Variants in FAM83E observed in about 807,000 individuals in gnomAD.
FAM83E encodes the protein protein FAM83E.
A neutral mutation model predicts 34.3 loss-of-function variants in FAM83E; 29 were observed. The ratio of observed to expected loss-of-function variants is 0.85; its 90% CI spans 0.63 to 1.15. The LOEUF (loss-of-function observed/expected upper bound fraction) is 1.15. FAM83E is among the 50% of genes most tolerant of loss of function. The pLI is 0.00. For synonymous variants in FAM83E, 312 were observed against 311.6 expected (o/e 1.00, Z -0.01); for missense variants, 697 against 685.0 (o/e 1.02, Z -0.20).
rs965470804 is a variant in FAM83E at position 48,607,127 on chromosome 19, G to A, written c.758+2749C>T. ...GGCGATGACGAGGACTGCTTCACAG[G>A]CCACGGGGTCGCCCCGGGCACTGGT... On this transcript the variant is annotated intron_variant, in intron 5 of 6. Coordinates refer to ENST00000263266, the MANE Select transcript of FAM83E (RefSeq NM_017708.4). The A allele has an allele frequency of 6.8e-6, 11 of 1,612,800 alleles. No homozygotes were observed. In the Admixed American group the frequency reaches 1.7e-4, roughly 24 times the overall value.
In FAM83E at chr19:48,611,300, C is replaced by T. The variant is rs62130314; in HGVS notation, c.466-453G>A. Among the ~76,000 whole-genome samples, 1,034 of 151,892 alleles carry T rather than the reference C, an allele frequency of 6.8e-3. 8 individuals are homozygous for T. The highest frequency in any genetic ancestry group is 9.5e-3 in the Non-Finnish European group (646 of 67,954). On this transcript the variant is annotated intron_variant, in intron 3 of 6. Transcript: ENST00000263266. Reference sequence around the variant, plus strand: ...TCTCCTGCCTCAGCCTCCCAAGTAGCTGGGACTACAGGCGCCCACCACCAC... The same window carrying T: ...TCTCCTGCCTCAGCCTCCCAAGTAGTTGGGACTACAGGCGCCCACCACCAC...
chr19:48,610,197 G>A (rs954480630), intron 4 of FAM83E, among the ~76,000 whole-genome samples, 197 bp from the exon 5 acceptor site: 10 of 151,962 alleles, frequency 6.6e-5, no homozygotes, highest in African/African-American at 1.2e-4. Context: ...TCAGGAGGTC[G>A]AGACCAGCCT....
At position 48,613,128 on chromosome 19, in the gene FAM83E, C is replaced by G. The variant is rs1464344477; in HGVS notation, c.245G>C (p.Ser82Thr). The part of the protein sequence containing the change: ...EDWTVAKQEP[S>T]GMAEGATTTD... ...GGTGGTGGCTCCCTCTGCCATCCCG[C>G]TGGGCTCCTGCTTGGCCACTGTCCA... The change falls in exon 3 of 7, where the codon AGC becomes ACC. Residue 82 changes from serine (S) to threonine (T), a missense_variant. Ser to Thr is a moderately conservative substitution (Grantham distance 58, BLOSUM62 1). Coordinates refer to ENST00000263266, the MANE Select transcript of FAM83E (RefSeq NM_017708.4). 1.9e-6 allele frequency: 3 copies of G among 1,611,832 alleles called. No homozygotes were observed. Among genetic ancestry groups the G allele is most frequent in the Non-Finnish European group, 2.5e-6 (3 of 1,179,756 alleles).
chr19:48,601,658 G>A (rs1162834042), intron 6 of FAM83E, among the ~76,000 whole-genome samples: 5 of 152,078 alleles, frequency 3.3e-5, no homozygotes, highest in African/African-American at 4.8e-5. Flanking sequence ...CTAGCTACTC[G>A]GGAGGCTGAG....
chr19:48,603,612 A>ATGC lies in FAM83E; in HGVS notation c.1057_1058insGCA (p.Asp352_Ile353insSer). 1 of 1,469,126 alleles carries ATGC rather than the reference A, an allele frequency of 6.8e-7. No individual in the cohort carries two copies. The highest frequency in any genetic ancestry group is 9.0e-7 in the Non-Finnish European group (1 of 1,114,958). The allele number at this position is 1,469,126 out of a possible 1,614,324, so 91.0% of individuals were successfully genotyped here. A position where few individuals can be genotyped will look rare whatever the true frequency, so the allele number is the denominator to read the frequency against. ...CCGGGCGCGCTGCACACTCCTTAGA[A>ATGC]TGTCACTGAGTGCCGGCCCCGGGGT... is the stretch of plus-strand genomic sequence containing the variant. On this transcript the variant is annotated inframe_insertion, in exon 6 of 7. Transcript: ENST00000263266.
chr19:48,601,235 G>T lies in FAM83E; in HGVS notation c.1311C>A (p.His437Gln). The change falls in exon 7 of 7, where the codon CAC becomes CAA. Residue 437 changes from histidine (H) to glutamine (Q), a missense_variant. His to Gln is a conservative substitution (Grantham distance 24, BLOSUM62 0). Coordinates refer to ENST00000263266, the MANE Select transcript of FAM83E (RefSeq NM_017708.4). ...GGGCTGGGGACAGATAGCGGAGGCG[G>T]TGGGCGGGGGGCAGGGGCAGGGCAC... ...WGGALPLPPA[H>Q]RLRYLSPARR... 6.2e-7 allele frequency: 1 copy of T among 1,607,258 alleles called. No individual in the cohort carries two copies. The highest frequency in any genetic ancestry group is 8.5e-7 in the Non-Finnish European group (1 of 1,176,154).
At chr19:48,607,242 C>A in intron 5 of FAM83E, 3 of 1,611,262 alleles carry the variant, frequency 1.9e-6, no homozygotes, top group Non-Finnish European at 2.5e-6. Context: ...GCCTCACCAC[C>A]AACTGCTGCA....
In FAM83E at chr19:48,601,378, G is replaced by A; in HGVS notation, c.1177-9C>T. The A allele has an allele frequency of 7.7e-6, 12 of 1,558,944 alleles. No individual in the cohort carries two copies. The highest frequency in any genetic ancestry group is 1.0e-5 in the Non-Finnish European group (12 of 1,150,900). ...CCCCAGGATTTCTTGAGCTGTGGAG[G>A]GAAAGAGAGGGAGGTGAGAGGAGGC... On this transcript the variant is annotated splice_polypyrimidine_tract_variant and intron_variant, in intron 6 of 6. Transcript: ENST00000263266.
At chr19:48,601,415 C>A (rs577892796) in intron 6 of FAM83E, 46 bp from the exon 7 acceptor site, 2 of 1,543,566 alleles carry the variant, frequency 1.3e-6, no homozygotes, top group African/African-American at 2.7e-5. Context: ...GGGGTGGGGC[C>A]CTGGGGGCAT....
chr19:48,603,189 A>G (rs1409516816), intron 6 of FAM83E, among the ~76,000 whole-genome samples: 1 of 152,042 alleles, frequency 6.6e-6, no homozygotes, highest in Non-Finnish European at 1.5e-5. Context: ...GCTCCTTCCT[A>G]GATGAGGATA....
rs751386398 is a variant in FAM83E at position 48,613,148 on chromosome 19, T to G, written c.225A>C (p.Thr75=). The G allele has an allele frequency of 8.7e-6, 14 of 1,611,974 alleles. No homozygotes were observed. The highest frequency in any genetic ancestry group is 1.1e-5 in the Non-Finnish European group (13 of 1,179,870). Residue 75 remains threonine (T), a synonymous_variant, in exon 3 of 7, where the codon ACA becomes ACC. Coordinates refer to ENST00000263266, the MANE Select transcript of FAM83E (RefSeq NM_017708.4). The part of the protein sequence containing the change: ...QGLAAAAEDW[T]VAKQEPSGMA... ...TCCCGCTGGGCTCCTGCTTGGCCAC[T>G]GTCCAGTCTTCAGCTGCCGCTGCCA... is the stretch of plus-strand genomic sequence containing the variant.
At chr19:48,614,897 TGGA>T (rs777486682) in intron 1 of FAM83E, 37 bp downstream of exon 1, 6 of 641,630 alleles carry the variant, frequency 9.4e-6, no homozygotes, top group Non-Finnish European at 9.7e-6. Context: ...CACAGGCCCC[TGGA>T]GGAGGTCCGG....
Position 48,614,176 on chromosome 19 carries a change from T to C in FAM83E, c.-804A>G. 1.0e-6 allele frequency: 1 copy of C among 984,134 alleles called. No homozygotes were observed. Among genetic ancestry groups the C allele is most frequent in the Non-Finnish European group, 1.2e-6 (1 of 828,768 alleles). 61.0% of individuals were successfully genotyped at this position (984,134 alleles called of 1,614,324 possible). On this transcript the variant is annotated 5_prime_UTR_variant, in exon 3 of 7. Transcript: ENST00000263266. ...CCTGTCAATGGGGGACCCTGCTCCCTGGACCCTCCTCACACTCCTTCCAGC... is the reference window on the plus strand; with the variant it reads ...CCTGTCAATGGGGGACCCTGCTCCCCGGACCCTCCTCACACTCCTTCCAGC...
chr19:48,607,962 A>T (rs1973966078), intron 5 of FAM83E, among the ~76,000 whole-genome samples: 1 of 152,080 alleles, frequency 6.6e-6, no homozygotes, highest in African/African-American at 2.4e-5. Flanking sequence ...CATTTCAAAC[A>T]TCCTGGTCTC....
At position 48,603,547 on chromosome 19, in the gene FAM83E, A is replaced by T. The variant is rs1276159671; in HGVS notation, c.1123T>A (p.Trp375Arg). Residue 375 changes from tryptophan to arginine, a missense_variant, in exon 6 of 7, where the codon TGG becomes AGG. By Grantham distance (101) the Trp-to-Arg change is moderately radical. Coordinates refer to ENST00000263266, the MANE Select transcript of FAM83E (RefSeq NM_017708.4). ...GPPARPSRSM[W>R]DLSRLSQLSG... Reference sequence around the variant, plus strand: ...AGCTGGGACAGGCGGCTTAGGTCCCACATGGAGCGGCTGGGCCGGGCCGGG... The same window carrying T: ...AGCTGGGACAGGCGGCTTAGGTCCCTCATGGAGCGGCTGGGCCGGGCCGGG... 1 of 1,567,518 alleles carries T rather than the reference A, an allele frequency of 6.4e-7. No individual in the cohort carries two copies. Among genetic ancestry groups the T allele is most frequent in the African/African-American group, 1.4e-5 (1 of 71,496 alleles).
chr19:48,613,059 G>C lies in FAM83E; in HGVS notation c.314C>G (p.Ser105Trp). 6.2e-7 allele frequency: 1 copy of C among 1,604,940 alleles called. No homozygotes were observed. Among genetic ancestry groups the C allele is most frequent in the Non-Finnish European group, 8.5e-7 (1 of 1,176,960 alleles). Residue 105 changes from serine (S) to tryptophan (W), a missense_variant, in exon 3 of 7, where the codon TCG (serine) becomes TGG (tryptophan). Coordinates refer to ENST00000263266, the MANE Select transcript of FAM83E (RefSeq NM_017708.4). ...AGSLSYWPGQ[S>W]EQPAPVLRLG... ...CCGCAGGACGGGCGCCGGCTGCTCCGACTGCCCAGGCCAGTAGCTCAGGCT... is the reference window on the plus strand; with the variant it reads ...CCGCAGGACGGGCGCCGGCTGCTCCCACTGCCCAGGCCAGTAGCTCAGGCT...
chr19:48,609,001 A>G (rs1215875468), intron 5 of FAM83E, among the ~76,000 whole-genome samples: 1 of 152,062 alleles, frequency 6.6e-6, no homozygotes, highest in Non-Finnish European at 1.5e-5. Context: ...CTCCTAAAAC[A>G]AAGACTTACC....
Position 48,601,100 on chromosome 19 carries a change from G to T in FAM83E, c.*9C>A. On this transcript the variant is annotated 3_prime_UTR_variant, in exon 7 of 7. Transcript: ENST00000263266. Reference sequence around the variant, plus strand: ...TGGGTGGGCCAGCAGATTTGGCTTGGGCTCCTGTTCAGGGTTGCCCCCCAA... The same window carrying T: ...TGGGTGGGCCAGCAGATTTGGCTTGTGCTCCTGTTCAGGGTTGCCCCCCAA... 1 of 1,603,548 alleles carries T rather than the reference G, an allele frequency of 6.2e-7. No homozygotes were observed. Among genetic ancestry groups the T allele is most frequent in the Non-Finnish European group, 8.5e-7 (1 of 1,175,796 alleles).
At position 48,612,972 on chromosome 19, in the gene FAM83E, G is replaced by A. The variant is rs1319833883; in HGVS notation, c.401C>T (p.Pro134Leu). 9 of 1,601,466 alleles carry A rather than the reference G, an allele frequency of 5.6e-6. No homozygotes were observed. Among genetic ancestry groups the A allele is most frequent in the Non-Finnish European group, 7.7e-6 (9 of 1,175,044 alleles). ...GITRAQLYTQPPGEGQPPLKE... is the reference protein window; with the variant it reads ...GITRAQLYTQLPGEGQPPLKE... ...GAGGGGCGGCTGACCCTCTCCAGGA[G>A]GCTGGGTGTACAGCTGCGCCCGGGT... Residue 134 changes from proline to leucine, a missense_variant, in exon 3 of 7, where the codon CCT becomes CTT. Physicochemically the swap from Pro to Leu is moderately conservative, Grantham distance 98. Transcript: ENST00000263266.
Sources: allele counts gnomAD v4.1 joint callset (sites outside exome capture counted in the v4.1 genomes callset), GRCh38; gene constraint gnomAD v4.1.1; transcripts MANE v1.5; gene names NCBI Gene and HGNC (gene_info 2026-07-23, HGNC 2026-07-21).